The following TF variants were observed in gnomAD, a reference collection of about 807,000 sequenced individuals.
TF encodes serotransferrin.
A neutral mutation model predicts 82.4 loss-of-function variants in TF; 55 were observed. The observed-to-expected ratio is 0.67, with a 90% CI of 0.54 to 0.84. TF has a LOEUF of 0.84. TF is among the 40% of genes least tolerant of loss of function. TF has a pLI of 0.00. For synonymous variants in TF, 332 were observed against 332.6 expected (o/e 1.00, Z 0.02); for missense variants, 737 against 868.4 (o/e 0.85, Z 1.90).
chr3:133,755,548 G>C (rs903045532), intron 5 of TF, 53 bp downstream of exon 5: 1 of 1,611,088 alleles, frequency 6.2e-7, no homozygotes. Context: ...ATGTCCTCAG[G>C]GTGAGAGTTC....
rs1406531270 is a variant in TF, at chr3:133,779,186, G to A, written c.*566G>A. ...CAGGCTGAGGTCCTGATTCTAACTAGCTGAAAAAAGTGAAACACTGACATC... is the reference window on the plus strand; with the variant it reads ...CAGGCTGAGGTCCTGATTCTAACTAACTGAAAAAAGTGAAACACTGACATC... On this transcript the variant is annotated 3_prime_UTR_variant, in exon 17 of 17. Transcript: ENST00000402696. The A allele has an allele frequency of 6.5e-6, 1 of 153,712 alleles. No homozygotes were observed. Among genetic ancestry groups the A allele is most frequent in the Admixed American group, 6.4e-5 (1 of 15,540 alleles). 9.5% of individuals were successfully genotyped at this position (153,712 alleles called of 1,614,324 possible). A position where few individuals can be genotyped will look rare whatever the true frequency, so the allele number is the denominator to read the frequency against.
At chr3:133,664,690 T>G in the TF span, among the ~76,000 whole-genome samples, 33 of 152,326 alleles carry the variant, frequency 2.2e-4, 1 homozygote, top group African/African-American at 6.0e-4. Flanking sequence ...TATGTAAACG[T>G]TTGTTATACT....
the TF span, among the ~76,000 whole-genome samples, chr3:133,718,720 TGG>T: frequency 8.5e-5 from 13 of 152,212 alleles, no homozygotes; most frequent in South Asian, 2.7e-3. Flanking sequence ...ACACTGATGT[TGG>T]AGGTTCCTCA....
At chr3:133,754,423 G>A (rs181704759) in intron 3 of TF, 72 bp from the exon 4 acceptor site, 4 of 1,514,526 alleles carry the variant, frequency 2.6e-6, no homozygotes, top group African/African-American at 2.7e-5. Flanking sequence ...CCCTCCTCAA[G>A]AGTCCGGTGG....
the TF span, chr3:133,688,491 C>T: frequency 5.3e-5 from 8 of 152,126 alleles, no homozygotes; most frequent in Non-Finnish European, 8.8e-5. Context: ...GAGAAAGAAA[C>T]AAGCCAAAGA....
chr3:133,662,107 C>G, the TF span: 1 of 152,244 alleles, frequency 6.6e-6, no homozygotes, highest in Non-Finnish European at 1.5e-5. Context: ...CTTTGCTGGG[C>G]GGGCCTAGTC....
the TF span, among the ~76,000 whole-genome samples, chr3:133,701,765 G>T: frequency 6.6e-6 from 1 of 152,210 alleles, no homozygotes; most frequent in Non-Finnish European, 1.5e-5. Flanking sequence ...ATTTTTCTGA[G>T]AAGTGAGTTC....
At chr3:133,718,720 TGGA>T in the TF span, among the ~76,000 whole-genome samples, 1 of 152,094 alleles carries the variant, frequency 6.6e-6, no homozygotes, top group Non-Finnish European at 1.5e-5. Context: ...ACACTGATGT[TGGA>T]GGTTCCTCAC....
chr3:133,676,013 T>A, the TF span, among the ~76,000 whole-genome samples: 1 of 152,210 alleles, frequency 6.6e-6, no homozygotes, highest in South Asian at 2.1e-4. Flanking sequence ...TAAGGGTTAT[T>A]ATTAAGTGAG....
the TF span, among the ~76,000 whole-genome samples, chr3:133,694,644 A>T: frequency 6.6e-6 from 1 of 152,202 alleles, no homozygotes; most frequent in Non-Finnish European, 1.5e-5. Flanking sequence ...CTACAGACAC[A>T]GGTCTGGGCT....
At chr3:133,710,187 C>G in the TF span, 1 of 152,662 alleles carries the variant, frequency 6.6e-6, no homozygotes, top group South Asian at 2.1e-4. Flanking sequence ...ATCCTCATCT[C>G]TCTTAGATGC....
At chr3:133,746,680 T>C (rs181316484) in intron 1 of TF, among the ~76,000 whole-genome samples, 197 bp downstream of exon 1, 307 of 152,346 alleles carry the variant, frequency 2.0e-3, no homozygotes, top group Middle Eastern at 6.8e-3. Context: ...GCACTCACTG[T>C]CTTCTCCCCC....
chr3:133,685,615 G>T, the TF span, among the ~76,000 whole-genome samples: 1 of 152,106 alleles, frequency 6.6e-6, no homozygotes, highest in Non-Finnish European at 1.5e-5. Flanking sequence ...GCTTCAAAGA[G>T]AATAAAATAC....
At chr3:133,701,628 C>G in the TF span, among the ~76,000 whole-genome samples, 1 of 152,060 alleles carries the variant, frequency 6.6e-6, no homozygotes, top group South Asian at 2.1e-4. Flanking sequence ...GGATGGGGAG[C>G]CCAGTCTTGC....
chr3:133,728,804 G>T, the TF span, among the ~76,000 whole-genome samples: 1 of 152,156 alleles, frequency 6.6e-6, no homozygotes, highest in Non-Finnish European at 1.5e-5. Flanking sequence ...TTTGGTCTTT[G>T]ATGATGGTGA....
rs553791927 is a variant in TF, at chr3:133,779,846, C to T, written c.*1226C>T. On this transcript the variant is annotated 3_prime_UTR_variant, in exon 17 of 17. Transcript: ENST00000402696. ...ATCCTGTTCTTCTCTCTCTTGCTTC[C>T]CTAAACCAACTGTTGTTATAGTATA... 2 of 152,204 alleles carry T rather than the reference C, an allele frequency of 1.3e-5. No homozygotes were observed. Among genetic ancestry groups the T allele is most frequent in the Non-Finnish European group, 2.9e-5 (2 of 68,062 alleles). 9.4% of individuals were successfully genotyped at this position (152,204 alleles called of 1,614,324 possible).
the TF span, among the ~76,000 whole-genome samples, chr3:133,668,129 A>G: frequency 6.6e-6 from 1 of 152,216 alleles, no homozygotes; most frequent in Non-Finnish European, 1.5e-5. Context: ...TGAGGTTGAC[A>G]ATTACCACGT....
At chr3:133,705,228 C>G in the TF span, among the ~76,000 whole-genome samples, 1 of 150,410 alleles carries the variant, frequency 6.6e-6, no homozygotes, top group Non-Finnish European at 1.5e-5. Flanking sequence ...GAGCTGAGAT[C>G]GTGCCATTGC....
At chr3:133,725,969 G>A in the TF span, among the ~76,000 whole-genome samples, 1 of 152,258 alleles carries the variant, frequency 6.6e-6, no homozygotes, top group South Asian at 2.1e-4. Context: ...TTATCAATTT[G>A]CGTATATTGA....
Sources: allele counts gnomAD v4.1 joint callset (sites outside exome capture counted in the v4.1 genomes callset), GRCh38; gene constraint gnomAD v4.1.1; transcripts MANE v1.5; gene names NCBI Gene and HGNC (gene_info 2026-07-23, HGNC 2026-07-21).